The following FGF14 variants were observed in gnomAD, a reference collection of about 807,000 sequenced individuals.
FGF14 encodes fibroblast growth factor homologous factor 4.
In FGF14, 5 loss-of-function variants were observed where a neutral mutation model predicts 25.5. That is an observed-to-expected ratio of 0.20 (90% CI 0.10 to 0.41). The LOEUF is 0.41. Among genes scored for constraint, FGF14 ranks in the 10% least tolerant of loss-of-function variants. FGF14 has a pLI of 1.00. For synonymous variants in FGF14, 138 were observed against 118.3 expected (o/e 1.17, Z -1.08); for missense variants, 222 against 320.1 (o/e 0.69, Z 2.34).
intron 1 of FGF14, among the ~76,000 whole-genome samples, chr13:102,391,840 G>A (rs948564099): frequency 6.6e-6 from 1 of 152,194 alleles, no homozygotes; most frequent in African/African-American, 2.4e-5. Flanking sequence ...TCTCCTAGCA[G>A]ACAGGGTCCT....
chr13:102,256,093 T>G (rs760708939), intron 1 of FGF14, among the ~76,000 whole-genome samples: 2 of 152,132 alleles, frequency 1.3e-5, no homozygotes, highest in African/African-American at 2.4e-5. Context: ...TTACTCAAAC[T>G]CTAAATCAGG....
intron 1 of FGF14, among the ~76,000 whole-genome samples, chr13:101,949,572 T>C (rs1276583300): frequency 6.6e-6 from 1 of 152,192 alleles, no homozygotes; most frequent in Non-Finnish European, 1.5e-5. Flanking sequence ...ACATTGGTTC[T>C]TAGACATGCA....
At chr13:102,160,300 C>A (rs2047561795) in intron 1 of FGF14, among the ~76,000 whole-genome samples, 1 of 152,134 alleles carries the variant, frequency 6.6e-6, no homozygotes, top group Non-Finnish European at 1.5e-5. Flanking sequence ...TCTCTTCCCC[C>A]AGGGACAACC....
Position 102,401,342 on chromosome 13 carries a change from A to G in FGF14, c.208+129T>C, listed in dbSNP as rs2058699713. 1.0e-4 allele frequency: 88 copies of G among 852,318 alleles called. 1 individual carries two copies. In the South Asian group the frequency reaches 1.2e-3, roughly 12 times the overall value. 52.8% of individuals were successfully genotyped at this position (852,318 alleles called of 1,614,324 possible). A position where few individuals can be genotyped will look rare whatever the true frequency, so the allele number is the denominator to read the frequency against. On this transcript the variant is annotated intron_variant, in intron 1 of 4. Transcript: ENST00000376131. ...TTGTTTATTCATGCAACACCTCTAT[A>G]TGCAACACTGTCCTGGTTCCTGGTA...
At chr13:101,860,527 C>G (rs1266382999) in intron 3 of FGF14, among the ~76,000 whole-genome samples, 1 of 151,988 alleles carries the variant, frequency 6.6e-6, no homozygotes, top group African/African-American at 2.4e-5. Flanking sequence ...GTAGTTTAGA[C>G]CTTGGTCACC....
chr13:102,144,267 T>C (rs1954615391), intron 1 of FGF14, among the ~76,000 whole-genome samples: 1 of 152,176 alleles, frequency 6.6e-6, no homozygotes, highest in African/African-American at 2.4e-5. Context: ...ACCAAGCATA[T>C]GTTACAACCT....
At chr13:102,079,592 T>G (rs920315759) in intron 1 of FGF14, among the ~76,000 whole-genome samples, 1 of 152,122 alleles carries the variant, frequency 6.6e-6, no homozygotes, top group Non-Finnish European at 1.5e-5. Context: ...CAATAAATAT[T>G]TATTAAGTGT....
chr13:102,134,064 T>C (rs972961392), intron 1 of FGF14, among the ~76,000 whole-genome samples: 6 of 152,240 alleles, frequency 3.9e-5, no homozygotes, highest in African/African-American at 9.6e-5. Context: ...ACATATGTTA[T>C]ATGTATGTCT....
intron 1 of FGF14, among the ~76,000 whole-genome samples, chr13:102,198,422 C>T (rs1388114172): frequency 6.6e-6 from 1 of 152,154 alleles, no homozygotes; most frequent in Non-Finnish European, 1.5e-5. Flanking sequence ...GACCTAGCCA[C>T]TGAGTGAAGA....
In FGF14 at chr13:102,313,527, T is replaced by C. The variant is rs1192618069; in HGVS notation, c.208+87944A>G. Among the ~76,000 whole-genome samples the C allele has an allele frequency of 2.0e-5, 3 of 152,064 alleles. No homozygotes were observed. The East Asian group carries it at 5.8e-4, about 29-fold the overall frequency. On this transcript the variant is annotated intron_variant, in intron 1 of 4. Coordinates refer to the FGF14 transcript ENST00000376131. ...AATGGTGAGAAAGTGAAAGTCAAAATTGTAGTTGGTGGTCCAAACAAGATA... is the reference window on the plus strand; with the variant it reads ...AATGGTGAGAAAGTGAAAGTCAAAACTGTAGTTGGTGGTCCAAACAAGATA...
intron 1 of FGF14, among the ~76,000 whole-genome samples, chr13:102,221,014 A>T (rs2050587007): frequency 1.3e-5 from 2 of 152,254 alleles, no homozygotes; most frequent in African/African-American, 4.8e-5. Context: ...AGTACTCTGT[A>T]AATAGGTTAT....
chr13:102,008,211 T>C (rs2039904454), intron 1 of FGF14, among the ~76,000 whole-genome samples: 1 of 152,238 alleles, frequency 6.6e-6, no homozygotes, highest in African/African-American at 2.4e-5. Context: ...CATGGGCTGC[T>C]AGAGACTGGC....
chr13:101,977,271 C>A (rs773321850), intron 1 of FGF14, among the ~76,000 whole-genome samples: 73 of 152,230 alleles, frequency 4.8e-4, no homozygotes, highest in Admixed American at 5.9e-4. Flanking sequence ...GATTCCTAAA[C>A]AGGAAAGTAC....
intron 1 of FGF14, among the ~76,000 whole-genome samples, chr13:101,931,784 T>G (rs914689569): frequency 3.9e-5 from 6 of 152,190 alleles, no homozygotes; most frequent in Non-Finnish European, 8.8e-5. Flanking sequence ...GATCTGTACC[T>G]CGCAAAGCAC....
At chr13:102,269,453 A>G (rs936115164) in intron 1 of FGF14, among the ~76,000 whole-genome samples, 15 of 152,236 alleles carry the variant, frequency 9.9e-5, no homozygotes, top group African/African-American at 2.9e-4. Context: ...GAAAAATTAT[A>G]TGACAGAATT....
At chr13:102,337,911 T>C (rs997222679) in intron 1 of FGF14, among the ~76,000 whole-genome samples, 7 of 152,216 alleles carry the variant, frequency 4.6e-5, no homozygotes, top group African/African-American at 1.4e-4. Context: ...CTTTTGCGCA[T>C]TTGACTGAAT....
chr13:101,968,627 C>A (rs1454993544), intron 1 of FGF14, among the ~76,000 whole-genome samples: 1 of 144,834 alleles, frequency 6.9e-6, no homozygotes, highest in African/African-American at 2.6e-5. Context: ...GAGCTGAGAT[C>A]GTGCCACTGC....
chr13:102,329,232 T>C (rs1474485798), intron 1 of FGF14, among the ~76,000 whole-genome samples: 1 of 152,226 alleles, frequency 6.6e-6, no homozygotes, highest in Non-Finnish European at 1.5e-5. Context: ...TCAACTTCTC[T>C]GACTCTACCC....
intron 1 of FGF14, among the ~76,000 whole-genome samples, chr13:102,164,691 T>C (rs902539076): frequency 1.3e-5 from 2 of 152,198 alleles, no homozygotes; most frequent in Non-Finnish European, 2.9e-5. Context: ...TGCTGTCCAA[T>C]AGATTAGCTG....
Sources: gnomAD v4.1 joint callset for allele counts (sites outside exome capture counted in the v4.1 genomes callset) on GRCh38, gnomAD v4.1.1 for gene constraint, MANE v1.5 for transcripts, NCBI Gene and HGNC (gene_info 2026-07-23, HGNC 2026-07-21) for gene names.